Variants in CA10 observed in about 807,000 individuals in gnomAD.
The protein encoded by CA10 is carbonic anhydrase 10 (inactive).
CA10 carries 14 observed loss-of-function variants against 44.2 expected under a neutral mutation model. That is an observed-to-expected ratio of 0.32 (90% CI 0.21 to 0.50). CA10 has a LOEUF of 0.50. Among genes scored for constraint, CA10 ranks in the 20% least tolerant of loss-of-function variants. CA10 has a pLI of 0.99. For synonymous variants in CA10, 159 were observed against 141.6 expected, an observed-to-expected ratio of 1.12 and a Z score of -0.87; for missense variants, 350 against 409.7, an observed-to-expected ratio of 0.85 and a Z score of 1.26.
chr17:52,137,622 C>A (rs1172827991), intron 1 of CA10, among the ~76,000 whole-genome samples: 3 of 152,066 alleles, frequency 2.0e-5, no homozygotes, highest in African/African-American at 7.2e-5. Context: ...GCTATAATAT[C>A]TTTCACAGTG....
chr17:52,043,428 A>G (rs2144195418), intron 2 of CA10, among the ~76,000 whole-genome samples: 1 of 151,216 alleles, frequency 6.6e-6, no homozygotes, highest in African/African-American at 2.4e-5. Flanking sequence ...ATATACTGCA[A>G]CTTTACTAAA....
At chr17:52,023,901 T>G (rs1401311537) in intron 2 of CA10, among the ~76,000 whole-genome samples, 1 of 152,242 alleles carries the variant, frequency 6.6e-6, no homozygotes, top group African/African-American at 2.4e-5. Flanking sequence ...TATTTAAAAT[T>G]TTTACTTTTA....
chr17:52,040,809 G>T (rs1041042291), intron 2 of CA10, among the ~76,000 whole-genome samples: 1 of 152,090 alleles, frequency 6.6e-6, no homozygotes, highest in African/African-American at 2.4e-5. Flanking sequence ...TTCCAAGATG[G>T]ACTGCCAGAA....
intron 2 of CA10, among the ~76,000 whole-genome samples, chr17:52,003,305 G>C (rs190503187): frequency 1.1e-4 from 17 of 151,942 alleles, no homozygotes; most frequent in Admixed American, 3.3e-4. Flanking sequence ...GGCTCCCCAC[G>C]GATGCCCTCC....
At chr17:51,830,979 C>T (rs1908218726) in intron 3 of CA10, among the ~76,000 whole-genome samples, 3 of 152,230 alleles carry the variant, frequency 2.0e-5, no homozygotes, top group Admixed American at 2.0e-4. Flanking sequence ...TACTTTTGCA[C>T]CAACCTATAT....
intron 4 of CA10, among the ~76,000 whole-genome samples, chr17:51,726,016 G>C (rs1330108341): frequency 6.6e-6 from 1 of 152,158 alleles, no homozygotes; most frequent in Non-Finnish European, 1.5e-5. Context: ...ATGCTGGTGG[G>C]GTTGGAGAAG....
Position 52,089,617 on chromosome 17 carries a change from C to T in CA10, c.62-17224G>A, listed in dbSNP as rs150100449. ...ATACTGTTTTTTTTTTCCCTCTATA[C>T]GTAGACACTTATGATAAAGTTTAAT... is the stretch of plus-strand genomic sequence containing the variant. On this transcript the variant is annotated intron_variant, in intron 1 of 8. Transcript: ENST00000451037. Among the ~76,000 whole-genome samples the T allele has an allele frequency of 4.0e-3, 610 of 151,468 alleles. 8 individuals are homozygous for T. Among genetic ancestry groups the T allele is most frequent in the Middle Eastern group, 0.021 (6 of 290 alleles).
chr17:51,702,322 T>A (rs1915629403), intron 4 of CA10, among the ~76,000 whole-genome samples: 1 of 152,096 alleles, frequency 6.6e-6, no homozygotes, highest in Non-Finnish European at 1.5e-5. Context: ...CAGATTCAGA[T>A]CCAGCATTGC....
intron 4 of CA10, among the ~76,000 whole-genome samples, chr17:51,673,014 A>T (rs1914482133): frequency 6.6e-6 from 1 of 152,194 alleles, no homozygotes; most frequent in South Asian, 2.1e-4. Flanking sequence ...CTTGGCTGAG[A>T]CAAAACACAC....
intron 2 of CA10, among the ~76,000 whole-genome samples, chr17:52,061,631 T>C (rs180701845): frequency 9.5e-4 from 144 of 152,264 alleles, no homozygotes; most frequent in Non-Finnish European, 1.6e-3. Context: ...TAGTGAGTTC[T>C]CATGAAATCT....
At chr17:51,651,902 G>C (rs940899499) in intron 5 of CA10, among the ~76,000 whole-genome samples, 1 of 152,152 alleles carries the variant, frequency 6.6e-6, no homozygotes, top group Non-Finnish European at 1.5e-5. Flanking sequence ...ACCTATCTAC[G>C]GCTTCACAGT....
At chr17:51,884,808 C>T (rs899946723) in intron 3 of CA10, among the ~76,000 whole-genome samples, 1 of 152,142 alleles carries the variant, frequency 6.6e-6, no homozygotes, top group Non-Finnish European at 1.5e-5. Flanking sequence ...CTGTGCTGTG[C>T]CTCTGTCCTA....
At chr17:51,717,864 T>TATATAC in intron 4 of CA10, among the ~76,000 whole-genome samples, 1 of 56,638 alleles carries the variant, frequency 1.8e-5, no homozygotes, top group African/African-American at 6.4e-5. Flanking sequence ...TATATATATA[T>TATATAC]ATATACAGGA....
At chr17:52,130,996 G>A (rs958605056) in intron 1 of CA10, among the ~76,000 whole-genome samples, 16 of 152,076 alleles carry the variant, frequency 1.1e-4, no homozygotes, top group African/African-American at 3.4e-4. Context: ...AAATAAGAAT[G>A]TGAGGTAATA....
At chr17:51,756,078 T>TA (rs1905066985) in intron 3 of CA10, among the ~76,000 whole-genome samples, 1 of 149,702 alleles carries the variant, frequency 6.7e-6, no homozygotes, top group Non-Finnish European at 1.5e-5. Flanking sequence ...TTTTTTTTTT[T>TA]AACCAACAAG....
chr17:52,026,680 AG>A (rs1368129691), intron 2 of CA10, among the ~76,000 whole-genome samples: 1 of 152,122 alleles, frequency 6.6e-6, no homozygotes, highest in Non-Finnish European at 1.5e-5. Flanking sequence ...GCCAAACAAG[AG>A]GGGGAAAAGC....
chr17:52,158,122 G>GGCT lies in CA10; in HGVS notation c.-337_-336insAGC. 2.3e-6 allele frequency: 1 copy of GGCT among 444,126 alleles called. No individual in the cohort carries two copies. Among genetic ancestry groups the GGCT allele is most frequent in the Non-Finnish European group, 4.1e-6 (1 of 242,500 alleles). The allele number at this position is 444,126 out of a possible 1,614,324, so 27.5% of individuals were successfully genotyped here. Reference sequence around the variant, plus strand: ...TAGCAGCGGCGGCGGCGGCGGCGGCGGCAGCAGCCACCTGAAGCCACCAAC... The same window carrying GGCT: ...TAGCAGCGGCGGCGGCGGCGGCGGCGGCTGCAGCAGCCACCTGAAGCCACCAAC... On this transcript the variant is annotated 5_prime_UTR_variant, in exon 1 of 9. Coordinates refer to ENST00000451037, the MANE Select transcript of CA10 (RefSeq NM_020178.5).
intron 1 of CA10, among the ~76,000 whole-genome samples, chr17:52,116,285 ATT>A (rs986928111): frequency 4.6e-5 from 7 of 152,206 alleles, no homozygotes; most frequent in African/African-American, 1.7e-4. Flanking sequence ...CAGGACCCCA[ATT>A]CACAAGATGC....
Position 52,157,918 on chromosome 17 carries a change from C to T in CA10, c.-132G>A, listed in dbSNP as rs1218010925. On this transcript the variant is annotated 5_prime_UTR_variant, in exon 1 of 9. Transcript: ENST00000451037. ...GCACACTCGCACTCCCACCCGACAG[C>T]CGGCCAGGGACAGTCACCCCCAAGA... 2 of 755,296 alleles carry T rather than the reference C, an allele frequency of 2.6e-6. No individual in the cohort carries two copies. The highest frequency in any genetic ancestry group is 3.4e-5 in the African/African-American group (2 of 58,344). 46.8% of individuals were successfully genotyped at this position (755,296 alleles called of 1,614,324 possible). A position where few individuals can be genotyped will look rare whatever the true frequency, so the allele number is the denominator to read the frequency against.
Sources: gnomAD v4.1 joint callset for allele counts (sites outside exome capture counted in the v4.1 genomes callset) on GRCh38, gnomAD v4.1.1 for gene constraint, MANE v1.5 for transcripts, NCBI Gene and HGNC (gene_info 2026-07-23, HGNC 2026-07-21) for gene names.